Variants in PIR observed in about 807,000 individuals in gnomAD.
The protein encoded by PIR is pirin (iron-binding nuclear protein).
A neutral mutation model predicts 24.2 loss-of-function variants in PIR; 22 were observed. The ratio of observed to expected loss-of-function variants is 0.91; its 90% CI spans 0.65 to 1.30. The LOEUF (loss-of-function observed/expected upper bound fraction) is 1.30, where lower values mean the gene tolerates loss of function less well. Ranked by LOEUF, PIR falls within the 50% of genes most tolerant of loss-of-function variation. The probability of loss-of-function intolerance (pLI) is 0.00; values close to 1 mark genes in which losing one functional copy is unlikely to be tolerated. For missense variants in PIR, 220 were observed against 220.3 expected, an observed-to-expected ratio of 1.00 and a Z score of 0.01; for synonymous variants, 80 against 79.6, an observed-to-expected ratio of 1.00 and a Z score of -0.03.
At chrX:15,452,861 G>A (rs1021974709) in intron 5 of PIR, among the ~76,000 whole-genome samples, 2 of 111,847 alleles carry the variant, frequency 1.8e-5, no homozygotes, top group Admixed American at 1.9e-4. Context: ...AAGAAGTGCT[G>A]GAATTATTGC....
chrX:15,409,265 A>ATTTTT (rs58871801), intron 6 of PIR, among the ~76,000 whole-genome samples: 22 of 100,726 alleles, frequency 2.2e-4, no homozygotes, highest in African/African-American at 4.6e-4. Flanking sequence ...TGCCCAGCTA[A>ATTTTT]TTTTTGTATT....
intron 5 of PIR, among the ~76,000 whole-genome samples, chrX:15,437,616 C>T (rs1038575125): frequency 8.9e-6 from 1 of 112,034 alleles, no homozygotes; most frequent in African/African-American, 3.2e-5. Context: ...AAATATATTC[C>T]AAAATGAACA....
chrX:15,482,155 G>A (rs1353125473), intron 2 of PIR, among the ~76,000 whole-genome samples: 1 of 112,038 alleles, frequency 8.9e-6, no homozygotes, highest in Non-Finnish European at 1.9e-5. Flanking sequence ...TATAGAGAAG[G>A]AATGAATATT....
chrX:15,421,023 GA>G (rs1925114255), intron 6 of PIR, among the ~76,000 whole-genome samples: 1 of 111,834 alleles, frequency 8.9e-6, no homozygotes, highest in South Asian at 3.7e-4. Flanking sequence ...TAAGTGTGGA[GA>G]AAAATACAGC....
intron 3 of PIR, among the ~76,000 whole-genome samples, chrX:15,476,266 C>G (rs1922186393): frequency 8.9e-6 from 1 of 111,738 alleles, no homozygotes; most frequent in South Asian, 3.7e-4. Flanking sequence ...TGTGAGTGTG[C>G]ACTCAAAATA....
intron 5 of PIR, among the ~76,000 whole-genome samples, chrX:15,434,458 C>CAGGGAG (rs1002815093): frequency 3.7e-5 from 4 of 109,346 alleles, no homozygotes; most frequent in Non-Finnish European, 3.8e-5. Context: ...AGAAGAAAGA[C>CAGGGAG]AGGGAGAGGG....
At chrX:15,422,347 A>G (rs961370251) in intron 6 of PIR, among the ~76,000 whole-genome samples, 1 of 110,137 alleles carries the variant, frequency 9.1e-6, no homozygotes, top group Non-Finnish European at 1.9e-5. Context: ...AAAAAAAACA[A>G]AGGGCATTCA....
Position 15,491,166 on chromosome X carries a change from G to T in PIR, c.92C>A (p.Pro31His). Residue 31 changes from proline (P) to histidine (H), a missense_variant, in exon 2 of 10, where the codon CCC (proline) becomes CAC (histidine). Coordinates refer to ENST00000380420, the MANE Select transcript of PIR (RefSeq NM_001018109.3). ...GARVRRSIGRPELKNLDPFLL... is the reference protein window; with the variant it reads ...GARVRRSIGRHELKNLDPFLL... ...GCAGCCACCCAACTAGCATACCTCG[G>T]GTCTGCCAATGCTTCTCCGGACCCT... is the stretch of plus-strand genomic sequence containing the variant. 7.6e-6 allele frequency: 9 copies of T among 1,186,813 alleles called. No individual in the cohort carries two copies. Among genetic ancestry groups the T allele is most frequent in the Non-Finnish European group, 1.0e-5 (9 of 873,996 alleles).
intron 7 of PIR, among the ~76,000 whole-genome samples, chrX:15,406,505 T>G (rs774194058): frequency 8.9e-6 from 1 of 111,860 alleles, no homozygotes; most frequent in African/African-American, 3.2e-5. Context: ...CTTCTGGGAA[T>G]GTTAATTCTC....
rs111867610 is a variant in PIR, at chrX:15,475,046, T to A, written c.189+4683A>T. Reference sequence around the variant, plus strand: ...AAAATGGATGTTGAATTTAATCAAGTTTTTTTTTTCAGCCTTGATGGTAGG... The same window carrying A: ...AAAATGGATGTTGAATTTAATCAAGATTTTTTTTTCAGCCTTGATGGTAGG... On this transcript the variant is annotated intron_variant, in intron 3 of 9. Coordinates refer to ENST00000380420, the MANE Select transcript of PIR (RefSeq NM_001018109.3). 7.7e-3 allele frequency among the ~76,000 whole-genome samples: 759 copies of A among 98,022 alleles called. 5 individuals are homozygous for A. Among genetic ancestry groups the A allele is most frequent in the African/African-American group, 0.032 (669 of 20,934 alleles). 85.1% of individuals were successfully genotyped at this position (98,022 alleles called of 115,157 possible).
chrX:15,427,284 G>T (rs112605076), intron 5 of PIR, among the ~76,000 whole-genome samples: 4,739 of 111,325 alleles, frequency 0.043, 262 homozygotes, highest in African/African-American at 0.14. Flanking sequence ...TAACCTGGCT[G>T]CTGCTTTTAT....
intron 5 of PIR, among the ~76,000 whole-genome samples, chrX:15,454,300 C>A (rs928638092): frequency 6.3e-5 from 7 of 110,935 alleles, no homozygotes; most frequent in African/African-American, 2.3e-4. Flanking sequence ...GTCACAGAAA[C>A]ACAACAAAGG....
chrX:15,430,104 T>C (rs1394457779), intron 5 of PIR, among the ~76,000 whole-genome samples: 1 of 112,283 alleles, frequency 8.9e-6, no homozygotes, highest in African/African-American at 3.2e-5. Context: ...AATGAATCTA[T>C]TTCCACAAGA....
At chrX:15,458,299 C>A (rs1318162670) in intron 4 of PIR, among the ~76,000 whole-genome samples, 1 of 111,445 alleles carries the variant, frequency 9.0e-6, no homozygotes, top group African/African-American at 3.3e-5. Flanking sequence ...TTAAAAACAT[C>A]TTTAAATCCC....
chrX:15,448,732 C>T (rs1056851724), intron 5 of PIR, among the ~76,000 whole-genome samples: 1 of 111,930 alleles, frequency 8.9e-6, no homozygotes, highest in African/African-American at 3.2e-5. Flanking sequence ...TGCACTCTTA[C>T]TATCCAAGTC....
At chrX:15,457,166 T>C (rs1602280608) in intron 4 of PIR, among the ~76,000 whole-genome samples, 1 of 112,126 alleles carries the variant, frequency 8.9e-6, no homozygotes, top group East Asian at 2.8e-4. Flanking sequence ...AATTGTTGCA[T>C]GGAGAAGAGG....
At chrX:15,430,174 G>T (rs2147035649) in intron 5 of PIR, among the ~76,000 whole-genome samples, 1 of 111,567 alleles carries the variant, frequency 9.0e-6, no homozygotes, top group Admixed American at 9.5e-5. Context: ...ATCCGTTGCA[G>T]CATGCACAGA....
At chrX:15,475,648 T>G (rs1031094944) in intron 3 of PIR, among the ~76,000 whole-genome samples, 7 of 112,357 alleles carry the variant, frequency 6.2e-5, no homozygotes, top group Non-Finnish European at 3.8e-5. Context: ...ACCTCCTTTT[T>G]CGAGCTAAAC....
chrX:15,434,860 A>G (rs973210364), intron 5 of PIR, among the ~76,000 whole-genome samples: 7 of 111,413 alleles, frequency 6.3e-5, no homozygotes, highest in Non-Finnish European at 1.1e-4. Context: ...TTCCCCATCC[A>G]AAGATCATAT....
Sources: gnomAD v4.1 joint callset for allele counts (sites outside exome capture counted in the v4.1 genomes callset) on GRCh38, gnomAD v4.1.1 for gene constraint, MANE v1.5 for transcripts, NCBI Gene and HGNC (gene_info 2026-07-23, HGNC 2026-07-21) for gene names.